The following HEATR5B variants were observed in gnomAD, a reference collection of about 807,000 sequenced individuals.
HEATR5B encodes HEAT repeat-containing protein 5B.
A neutral mutation model predicts 224.1 loss-of-function variants in HEATR5B; 156 were observed. That is an observed-to-expected ratio of 0.70 (90% CI 0.61 to 0.80). The LOEUF is 0.80. HEATR5B is among the 30% of genes least tolerant of loss of function. HEATR5B has a pLI of 0.00. For synonymous variants in HEATR5B, 1,027 were observed against 893.0 expected (o/e 1.15, Z -2.68); for missense variants, 2,323 against 2,535.5 (o/e 0.92, Z 1.80).
At chr2:37,014,102 G>T in intron 26 of HEATR5B, 82 bp from the exon 27 acceptor site, 1 of 752,184 alleles carries the variant, frequency 1.3e-6, no homozygotes, top group Non-Finnish European at 2.1e-6. Flanking sequence ...TTTTTTCCTA[G>T]AAGATAAAAC....
chr2:37,025,293 A>G (rs532092879), intron 24 of HEATR5B, among the ~76,000 whole-genome samples: 2 of 152,292 alleles, frequency 1.3e-5, no homozygotes, highest in African/African-American at 4.8e-5. Flanking sequence ...GAACATGGGC[A>G]ATCCACCTCC....
At chr2:37,022,127 T>C (rs1341924950) in intron 24 of HEATR5B, among the ~76,000 whole-genome samples, 1 of 152,078 alleles carries the variant, frequency 6.6e-6, no homozygotes. Context: ...TCAATTGATA[T>C]CTGCTTCAGT....
chr2:37,064,893 A>C lies in HEATR5B; in HGVS notation c.1431T>G (p.Pro477=), dbSNP rs1671497638. 1 of 1,614,076 alleles carries C rather than the reference A, an allele frequency of 6.2e-7. No homozygotes were observed. Among genetic ancestry groups the C allele is most frequent in the Admixed American group, 1.7e-5 (1 of 59,988 alleles). The part of the protein sequence containing the change: ...WCLRCVAVAL[P]FQLTPFLDRC... ...TGTCTAGAAATGGTGTCAGCTGGAA[A>C]GGTAATGCCACAGCCACACAGCGCA... The change falls in exon 10 of 36, where the codon CCT becomes CCG. Residue 477 remains proline, a synonymous_variant. Coordinates refer to ENST00000233099, the MANE Select transcript of HEATR5B (RefSeq NM_019024.3).
rs35596017 is a variant in HEATR5B, at chr2:36,981,824, A to T, written c.5912-30T>A. 8.6e-6 allele frequency: 13 copies of T among 1,504,702 alleles called. No homozygotes were observed. The Middle Eastern group carries it at 7.8e-4, about 90-fold the overall frequency. 93.2% of individuals were successfully genotyped at this position (1,504,702 alleles called of 1,614,324 possible). A position where few individuals can be genotyped will look rare whatever the true frequency, so the allele number is the denominator to read the frequency against. Reference sequence around the variant, plus strand: ...AAATAATAAAGTATGAAAAAAGATCACAAACATAAGGATTATAATAAACTT... The same window carrying T: ...AAATAATAAAGTATGAAAAAAGATCTCAAACATAAGGATTATAATAAACTT... On this transcript the variant is annotated intron_variant, in intron 35 of 35. Transcript: ENST00000233099.
chr2:37,058,977 G>T lies in HEATR5B; in HGVS notation c.1860C>A (p.Ser620Arg). The T allele has an allele frequency of 1.2e-6, 2 of 1,601,950 alleles. No individual in the cohort carries two copies. The change falls in exon 13 of 36, where the codon AGC (serine) becomes AGA (arginine). Residue 620 changes from serine to arginine, a missense_variant. By Grantham distance (110) the Ser-to-Arg change is moderately radical. Coordinates refer to ENST00000233099, the MANE Select transcript of HEATR5B (RefSeq NM_019024.3). ...GRAGALCAMR[S>R]FVAHCPELLT... ...GTAGCTCAGGACAATGTGCAACGAA[G>T]CTCCTCATGGCTAGATAAAATGTTT...
At chr2:37,052,961 T>C (rs894946277) in intron 17 of HEATR5B, among the ~76,000 whole-genome samples, 5 of 152,112 alleles carry the variant, frequency 3.3e-5, no homozygotes, top group African/African-American at 4.8e-5. Context: ...CCATTGGTAA[T>C]TGAAACTGCA....
In HEATR5B at chr2:36,989,671, C is replaced by T. The variant is rs138840377; in HGVS notation, c.5698-812G>A. On this transcript the variant is annotated intron_variant, in intron 34 of 35. Coordinates refer to ENST00000233099, the MANE Select transcript of HEATR5B (RefSeq NM_019024.3). ...GTATTAGAAAGGCTTCAGATTAACA[C>T]TTTTTTAAAAAAATGAAGGAAGGAA... 3.8e-3 allele frequency among the ~76,000 whole-genome samples: 574 copies of T among 151,980 alleles called. 9 individuals carry two copies. Among genetic ancestry groups the T allele is most frequent in the African/African-American group, 0.013 (552 of 41,476 alleles).
Position 37,008,608 on chromosome 2 carries a change from C to T in HEATR5B, c.4522+3G>A. 6.3e-7 allele frequency: 1 copy of T among 1,591,546 alleles called. No individual in the cohort carries two copies. The highest frequency in any genetic ancestry group is 1.7e-5 in the Admixed American group (1 of 60,012). The stretch of plus-strand genomic sequence containing the variant: ...AAAGTAAAACTCAGAATGTAATACT[C>T]ACCATCTGGAGGAAGCTGACTAGAA... On this transcript the variant is annotated splice_donor_region_variant and intron_variant, in intron 28 of 35. Coordinates refer to ENST00000233099, the MANE Select transcript of HEATR5B (RefSeq NM_019024.3).
intron 3 of HEATR5B, among the ~76,000 whole-genome samples, chr2:37,077,521 T>C (rs1672307933): frequency 6.6e-6 from 1 of 152,226 alleles, no homozygotes; most frequent in Admixed American, 6.5e-5. Context: ...TTAGCCAGGC[T>C]GATCTCGAAC....
At position 37,019,879 on chromosome 2, in the gene HEATR5B, TAGAAAAATAAATAA is replaced by T; in HGVS notation, c.4036-16_4036-3del. ...GGCTGGTCTTAGAGCAGCTCCCACC[TAGAAAAATAAATAA>T]AGCATTTTATTTTTTACTTTTATTT... On this transcript the variant is annotated splice_region_variant and splice_polypyrimidine_tract_variant and intron_variant, in intron 25 of 35. Transcript: ENST00000233099. 1 of 1,587,976 alleles carries T rather than the reference TAGAAAAATAAATAA, an allele frequency of 6.3e-7. No homozygotes were observed. The highest frequency in any genetic ancestry group is 1.4e-5 in the African/African-American group (1 of 73,942).
At chr2:37,007,655 G>A (rs910148369) in intron 28 of HEATR5B, among the ~76,000 whole-genome samples, 1 of 152,072 alleles carries the variant, frequency 6.6e-6, no homozygotes, top group African/African-American at 2.4e-5. Flanking sequence ...TATTATACAT[G>A]TTCGCTCATT....
At position 37,064,754 on chromosome 2, in the gene HEATR5B, G is replaced by A; in HGVS notation, c.1570C>T (p.His524Tyr). 1 of 1,614,022 alleles carries A rather than the reference G, an allele frequency of 6.2e-7. No homozygotes were observed. The highest frequency in any genetic ancestry group is 8.5e-7 in the Non-Finnish European group (1 of 1,179,970). Residue 524 changes from histidine to tyrosine, a missense_variant, in exon 10 of 36, where the codon CAT becomes TAT. By Grantham distance (83) the His-to-Tyr change is moderately conservative. Coordinates refer to ENST00000233099, the MANE Select transcript of HEATR5B (RefSeq NM_019024.3). The part of the protein sequence containing the change: ...GVHQCPLGIP[H>Y]AKGKMVVSIA... The stretch of plus-strand genomic sequence containing the variant: ...CTCCGTCATACCTTTCCTTTGGCAT[G>A]AGGAATGCCCAAAGGACACTGATGT...
intron 27 of HEATR5B, among the ~76,000 whole-genome samples, chr2:37,010,243 C>T (rs1402135124): frequency 6.6e-6 from 1 of 152,056 alleles, no homozygotes; most frequent in Admixed American, 6.6e-5. Flanking sequence ...AGATAAAAAT[C>T]TCGAGAAAAC....
At chr2:37,053,403 G>T in intron 17 of HEATR5B, 99 bp downstream of exon 17, 1 of 535,082 alleles carries the variant, frequency 1.9e-6, no homozygotes, top group Non-Finnish European at 3.2e-6. Context: ...GTTACCAAGT[G>T]ATTTACATAT....
At chr2:37,069,680 T>A (rs1671789307) in intron 7 of HEATR5B, among the ~76,000 whole-genome samples, 1 of 152,206 alleles carries the variant, frequency 6.6e-6, no homozygotes, top group South Asian at 2.1e-4. Context: ...GGAACTTCAT[T>A]TAAAGATATT....
intron 18 of HEATR5B, among the ~76,000 whole-genome samples, chr2:37,046,770 C>A (rs1024563195): frequency 7.2e-5 from 11 of 151,752 alleles, no homozygotes; most frequent in Non-Finnish European, 1.2e-4. Context: ...ATGTGGCAGG[C>A]TGGGTGCAGT....
intron 24 of HEATR5B, among the ~76,000 whole-genome samples, chr2:37,022,569 G>A (rs1308344606): frequency 6.6e-6 from 1 of 152,150 alleles, no homozygotes; most frequent in Non-Finnish European, 1.5e-5. Flanking sequence ...AGTGTGCTGT[G>A]CTCCAATAAA....
At chr2:36,999,325 T>C (rs899865475) in intron 33 of HEATR5B, among the ~76,000 whole-genome samples, 1 of 152,204 alleles carries the variant, frequency 6.6e-6, no homozygotes, top group African/African-American at 2.4e-5. Flanking sequence ...TCTCCTGTTT[T>C]ATTATTTTTA....
intron 29 of HEATR5B, 43 bp from the exon 30 acceptor site, chr2:37,005,802 C>T: frequency 1.4e-6 from 2 of 1,464,306 alleles, no homozygotes; most frequent in African/African-American, 2.9e-5. Context: ...ACTTATAAAA[C>T]ACTTTATGTT....
Sources: allele counts gnomAD v4.1 joint callset (sites outside exome capture counted in the v4.1 genomes callset), GRCh38; gene constraint gnomAD v4.1.1; transcripts MANE v1.5; gene names NCBI Gene and HGNC (gene_info 2026-07-23, HGNC 2026-07-21).